The following HEATR4 variants were observed in gnomAD, a reference collection of about 807,000 sequenced individuals.
The protein encoded by HEATR4 is HEAT repeat-containing protein 4.
A neutral mutation model predicts 108.8 loss-of-function variants in HEATR4; 95 were observed. The ratio of observed to expected loss-of-function variants is 0.87; its 90% CI spans 0.74 to 1.04. HEATR4 has a LOEUF of 1.04. Among genes scored for constraint, HEATR4 ranks in the 50% least tolerant of loss-of-function variants. The pLI, the probability that HEATR4 is intolerant of heterozygous loss-of-function variation, is 0.00. For synonymous variants in HEATR4, 443 were observed against 459.4 expected, an observed-to-expected ratio of 0.96 and a Z score of 0.46; for missense variants, 1,152 against 1,253.8, an observed-to-expected ratio of 0.92 and a Z score of 1.23.
chr14:73,592,119 G>A, the HEATR4 span: 37 of 1,549,650 alleles, frequency 2.4e-5, no homozygotes, highest in Non-Finnish European at 3.0e-5. Context: ...GCGCTACTGC[G>A]CCGACGCCCG....
the HEATR4 span, chr14:73,617,342 T>C: frequency 2.7e-6 from 3 of 1,093,270 alleles, no homozygotes; most frequent in Non-Finnish European, 4.1e-6. Flanking sequence ...AAGCTGGGCA[T>C]GGTGATGTGC....
At chr14:73,500,254 A>C (rs1016791362) in intron 12 of HEATR4, among the ~76,000 whole-genome samples, 1 of 151,636 alleles carries the variant, frequency 6.6e-6, no homozygotes, top group Non-Finnish European at 1.5e-5. Context: ...AACAAACAAA[A>C]AAACCATGAG....
At chr14:73,613,102 G>A in the HEATR4 span, 1 of 531,530 alleles carries the variant, frequency 1.9e-6, no homozygotes, top group Non-Finnish European at 3.2e-6. Flanking sequence ...GGAATCGCGT[G>A]ATTGTGGAAC....
At chr14:73,552,788 C>T (rs1394690048) in intron 1 of HEATR4, among the ~76,000 whole-genome samples, 1 of 106,154 alleles carries the variant, frequency 9.4e-6, no homozygotes, top group Admixed American at 1.0e-4. Flanking sequence ...GCTGCTCCAG[C>T]CTGGCAGTTT....
At chr14:73,578,429 A>G in the HEATR4 span, among the ~76,000 whole-genome samples, 2 of 151,640 alleles carry the variant, frequency 1.3e-5, no homozygotes, top group East Asian at 1.9e-4. Context: ...AGGTTTCACC[A>G]TGTTGCCCAG....
chr14:73,499,791 C>T (rs879528339), intron 12 of HEATR4, among the ~76,000 whole-genome samples: 1 of 152,118 alleles, frequency 6.6e-6, no homozygotes, highest in Non-Finnish European at 1.5e-5. Flanking sequence ...TAATGAGAAG[C>T]TAGTTAACTG....
At chr14:73,617,155 T>C in the HEATR4 span, 5 of 1,614,046 alleles carry the variant, frequency 3.1e-6, no homozygotes, top group African/African-American at 6.7e-5. Flanking sequence ...CTGGAGTACT[T>C]TGAAGAAGCC....
intron 12 of HEATR4, among the ~76,000 whole-genome samples, chr14:73,500,236 A>C (rs936263457): frequency 2.0e-5 from 3 of 152,028 alleles, no homozygotes; most frequent in African/African-American, 7.2e-5. Flanking sequence ...TCTCAAAACA[A>C]ACAAACAAAC....
At chr14:73,508,370 C>T in intron 8 of HEATR4, 76 bp from the exon 9 acceptor site, 4 of 1,322,190 alleles carry the variant, frequency 3.0e-6, no homozygotes, top group Non-Finnish European at 4.3e-6. Flanking sequence ...GGATTGATAC[C>T]CAAGGCTGCT....
chr14:73,535,483 T>C (rs71426977), intron 1 of HEATR4, among the ~76,000 whole-genome samples: 1,516 of 46,774 alleles, frequency 0.032, 368 homozygotes, highest in African/African-American at 0.1. Flanking sequence ...TTTTTTTTTT[T>C]TTTTTTTTTT....
chr14:73,558,375 T>TTGTTTGTTTG (rs1250174907), intron 1 of HEATR4, among the ~76,000 whole-genome samples: 4,460 of 138,988 alleles, frequency 0.032, 206 homozygotes, highest in Non-Finnish European at 0.05. Flanking sequence ...GATTTGTTTT[T>TTGTTTGTTTG]TTTTTTTTGA....
chr14:73,608,106 G>A, the HEATR4 span, among the ~76,000 whole-genome samples: 1 of 151,746 alleles, frequency 6.6e-6, no homozygotes, highest in African/African-American at 2.4e-5. Context: ...TGTACTTTTA[G>A]TAGAGATGGG....
chr14:73,612,219 C>T, the HEATR4 span, among the ~76,000 whole-genome samples: 1 of 151,978 alleles, frequency 6.6e-6, no homozygotes, highest in African/African-American at 2.4e-5. Context: ...TTTGTATTTT[C>T]AGTAGAGATG....
chr14:73,520,781 C>A, intron 4 of HEATR4, 71 bp downstream of exon 4: 1 of 1,406,366 alleles, frequency 7.1e-7, no homozygotes, highest in Non-Finnish European at 9.8e-7. Context: ...CTGTTTCCAG[C>A]CCCCAGCAAT....
At chr14:73,595,182 T>C in the HEATR4 span, 11 of 1,614,192 alleles carry the variant, frequency 6.8e-6, no homozygotes, top group Non-Finnish European at 9.3e-6. Flanking sequence ...AACACAGCCA[T>C]CAACTATAAG....
At position 73,522,351 on chromosome 14, in the gene HEATR4, C is replaced by T. The variant is rs374345432; in HGVS notation, c.802G>A (p.Ala268Thr). The T allele has an allele frequency of 2.5e-6, 4 of 1,614,130 alleles. No individual in the cohort carries two copies. The highest frequency in any genetic ancestry group is 3.4e-6 in the Non-Finnish European group (4 of 1,180,050). ...ATGACACTTTGATCCTCAAACTCTG[C>T]TGTCTCTTCTGCCTCCAGCTGTTTC... ...LLKQLEAEET[A>T]EFEDQSVILP... is the part of the protein sequence containing the mutation. The change falls in exon 3 of 18, where the codon GCA becomes ACA. Residue 268 changes from alanine to threonine, a missense_variant. Physicochemically the swap from Ala to Thr is moderately conservative, Grantham distance 58. Coordinates refer to ENST00000553558, the MANE Select transcript of HEATR4 (RefSeq NM_001220484.1).
chr14:73,588,559 GA>G, the HEATR4 span, among the ~76,000 whole-genome samples: 12 of 152,160 alleles, frequency 7.9e-5, no homozygotes, highest in Non-Finnish European at 1.6e-4. Flanking sequence ...TCGATGACAG[GA>G]GAAAATATGT....
chr14:73,578,885 A>T, the HEATR4 span, among the ~76,000 whole-genome samples: 7 of 151,678 alleles, frequency 4.6e-5, 1 homozygote, highest in Non-Finnish European at 1.0e-4. Context: ...GGAGATCAAG[A>T]CCATCCTGGC....
rs34660727 is a variant in HEATR4, at chr14:73,506,804, G to GTTTTTTTTTTTTTTTT, written c.1882-249_1882-234dup. Among the ~76,000 whole-genome samples, 39 of 80,490 alleles carry GTTTTTTTTTTTTTTTT rather than the reference G, an allele frequency of 4.8e-4. 4 individuals are homozygous for GTTTTTTTTTTTTTTTT. The highest frequency in any genetic ancestry group is 0.017 in the Middle Eastern group (2 of 120). The allele number at this position is 80,490 out of a possible 152,430, so 52.8% of individuals were successfully genotyped here. A position where few individuals can be genotyped will look rare whatever the true frequency, so the allele number is the denominator to read the frequency against. On this transcript the variant is annotated intron_variant, in intron 9 of 17. Transcript: ENST00000553558. ...GGACCTTCCTTTCCTGACTTTAACT[G>GTTTTTTTTTTTTTTTT]TTTTTTTTTTTTTTTTTTTTTCTGA...
Sources: gnomAD v4.1 joint callset for allele counts (sites outside exome capture counted in the v4.1 genomes callset) on GRCh38, gnomAD v4.1.1 for gene constraint, MANE v1.5 for transcripts, NCBI Gene and HGNC (gene_info 2026-07-23, HGNC 2026-07-21) for gene names.